The following PEX7 variants were observed in gnomAD, a reference collection of about 807,000 sequenced individuals.
The protein encoded by PEX7 is PTS2 receptor.
PEX7 carries 34 observed loss-of-function variants against 47.5 expected under a neutral mutation model. That is an observed-to-expected ratio of 0.72 (90% CI 0.54 to 0.95). PEX7 has a LOEUF of 0.95. Among genes scored for constraint, PEX7 ranks in the 40% least tolerant of loss-of-function variants. The probability of loss-of-function intolerance (pLI) is 0.00; values close to 1 mark genes in which losing one functional copy is unlikely to be tolerated. For synonymous variants in PEX7, 141 were observed against 148.8 expected (o/e 0.95, Z 0.38); for missense variants, 394 against 400.3 (o/e 0.98, Z 0.13).
At position 136,845,461 on chromosome 6, in the gene PEX7, T is replaced by G. The variant is rs1174931754; in HGVS notation, c.340-154T>G. Among the ~76,000 whole-genome samples, 3 of 152,362 alleles carry G rather than the reference T, an allele frequency of 2.0e-5. No homozygotes were observed. The East Asian group carries it at 5.8e-4, about 29-fold the overall frequency. On this transcript the variant is annotated intron_variant, in intron 3 of 9. Transcript: ENST00000318471. ...AGGAATGGACAAGATCAACTTTTCA[T>G]TTCTCAGACACCTTGTTGAGATGGA...
chr6:136,884,124 A>G (rs933399171), intron 8 of PEX7, among the ~76,000 whole-genome samples: 2 of 152,168 alleles, frequency 1.3e-5, no homozygotes, highest in African/African-American at 4.8e-5. Flanking sequence ...ACTATATTAC[A>G]TGTATATATA....
intron 9 of PEX7, among the ~76,000 whole-genome samples, chr6:136,908,983 C>A (rs1775890597): frequency 6.6e-6 from 1 of 152,132 alleles, no homozygotes. Flanking sequence ...TATAATGGCC[C>A]CTTGCCTACT....
At chr6:136,897,030 ACT>A (rs1231845826) in intron 8 of PEX7, among the ~76,000 whole-genome samples, 1 of 152,084 alleles carries the variant, frequency 6.6e-6, no homozygotes, top group Non-Finnish European at 1.5e-5. Flanking sequence ...AAGTAAAATC[ACT>A]CTTCCCAAAT....
At chr6:136,909,162 A>T (rs1775893928) in intron 9 of PEX7, among the ~76,000 whole-genome samples, 1 of 152,244 alleles carries the variant, frequency 6.6e-6, no homozygotes, top group Admixed American at 6.5e-5. Flanking sequence ...GGAGGTTCTT[A>T]ATAAGTCTTT....
chr6:136,866,886 A>G (rs1312243842), intron 6 of PEX7, among the ~76,000 whole-genome samples, 153 bp downstream of exon 6: 1 of 152,206 alleles, frequency 6.6e-6, no homozygotes, highest in Non-Finnish European at 1.5e-5. Flanking sequence ...ATTGTGACTG[A>G]CCTGCATTAG....
chr6:136,862,292 G>A (rs1008294989), intron 5 of PEX7, among the ~76,000 whole-genome samples: 7 of 150,814 alleles, frequency 4.6e-5, no homozygotes, highest in South Asian at 4.2e-4. Flanking sequence ...TGGCCAGGCT[G>A]GTCTCAAACG....
In PEX7 at chr6:136,870,231, T is replaced by G. The variant is rs1775149185; in HGVS notation, c.747+228T>G. Among the ~76,000 whole-genome samples the G allele has an allele frequency of 2.0e-5, 3 of 152,170 alleles. No homozygotes were observed. In the South Asian group the frequency reaches 6.2e-4, roughly 31 times the overall value. The stretch of plus-strand genomic sequence containing the variant: ...TAGACATTCAATACTTAAGGTTAAA[T>G]AAAAATCTTTTTCTCATTCTTTCAC... On this transcript the variant is annotated intron_variant, in intron 7 of 9. Coordinates refer to ENST00000318471, the MANE Select transcript of PEX7 (RefSeq NM_000288.4).
chr6:136,875,404 T>G (rs765269370), intron 8 of PEX7, among the ~76,000 whole-genome samples: 19 of 152,178 alleles, frequency 1.2e-4, no homozygotes, highest in Non-Finnish European at 2.5e-4. Flanking sequence ...TGCCTTTTCT[T>G]CCAAGAGGTG....
intron 3 of PEX7, chr6:136,830,094 AGCATGGTT>A: frequency 1.4e-6 from 1 of 702,752 alleles, no homozygotes; most frequent in East Asian, 2.7e-5. Context: ...AAAGACGTAT[AGCATGGTT>A]TTAGTCAATC....
rs1376209504 is a variant in PEX7 at position 136,888,972 on chromosome 6, C to T, written c.804-9170C>T. ...TACTATTTAGCACATTTGGGACCATCGCGTTTGTTAACTAAAGTGACAGAT... is the reference window on the plus strand; with the variant it reads ...TACTATTTAGCACATTTGGGACCATTGCGTTTGTTAACTAAAGTGACAGAT... On this transcript the variant is annotated intron_variant, in intron 8 of 9. Coordinates refer to ENST00000318471, the MANE Select transcript of PEX7 (RefSeq NM_000288.4). Among the ~76,000 whole-genome samples the T allele has an allele frequency of 3.3e-5, 5 of 152,082 alleles. No individual in the cohort carries two copies. The South Asian group carries it at 1.0e-3, about 31-fold the overall frequency.
At chr6:136,882,175 C>CTTTTTTTTTTTT (rs35653586) in intron 8 of PEX7, among the ~76,000 whole-genome samples, 19 of 104,308 alleles carry the variant, frequency 1.8e-4, no homozygotes, top group East Asian at 2.7e-4. Context: ...TCTTCTTCTT[C>CTTTTTTTTTTTT]TTTTTTTTTT....
intron 1 of PEX7, chr6:136,823,063 C>G: frequency 1.0e-6 from 1 of 985,432 alleles, no homozygotes. Flanking sequence ...CTTGAGACCG[C>G]GCTGCCTCCG....
At chr6:136,823,175 G>A (rs1774116673) in intron 1 of PEX7, 4 of 985,360 alleles carry the variant, frequency 4.1e-6, no homozygotes, top group African/African-American at 1.7e-5. Flanking sequence ...CGGGGAAGAC[G>A]GTCTGAGCCA....
chr6:136,887,150 T>C (rs1775479636), intron 8 of PEX7, among the ~76,000 whole-genome samples: 1 of 152,122 alleles, frequency 6.6e-6, no homozygotes, highest in Non-Finnish European at 1.5e-5. Flanking sequence ...CCTACACACA[T>C]TTGTTGAAAA....
intron 8 of PEX7, among the ~76,000 whole-genome samples, chr6:136,879,506 T>A (rs1775338029): frequency 6.6e-6 from 1 of 152,204 alleles, no homozygotes; most frequent in Non-Finnish European, 1.5e-5. Flanking sequence ...AACTCTCTTT[T>A]ACTTGTAAGT....
intron 8 of PEX7, among the ~76,000 whole-genome samples, chr6:136,882,467 C>T (rs921117748): frequency 2.6e-5 from 4 of 151,996 alleles, no homozygotes; most frequent in East Asian, 1.9e-4. Context: ...CGTGAGCCCC[C>T]GCACCTGGCC....
Position 136,866,659 on chromosome 6 carries a change from G to T in PEX7, c.559G>T (p.Ala187Ser), listed in dbSNP as rs1341857457. The T allele has an allele frequency of 2.5e-6, 4 of 1,613,916 alleles. No homozygotes were observed. The highest frequency in any genetic ancestry group is 3.4e-6 in the Non-Finnish European group (4 of 1,179,962). The change falls in exon 6 of 10, where the codon GCA (alanine) becomes TCA (serine). Residue 187 changes from alanine (A) to serine (S), a missense_variant. By Grantham distance (99) the Ala-to-Ser change is moderately conservative. Coordinates refer to ENST00000318471, the MANE Select transcript of PEX7 (RefSeq NM_000288.4). ...GACTCTGAGAATATGGGATGTGAAG[G>T]CAGCAGGAGTAAGAATCGTGATTCC... ...DQTLRIWDVK[A>S]AGVRIVIPAH...
chr6:136,875,494 G>T (rs1775254957), intron 8 of PEX7, among the ~76,000 whole-genome samples: 1 of 152,122 alleles, frequency 6.6e-6, no homozygotes, highest in South Asian at 2.1e-4. Flanking sequence ...TACTTTTATT[G>T]CATTAAAATC....
intron 8 of PEX7, among the ~76,000 whole-genome samples, chr6:136,873,361 T>TA (rs1031360947): frequency 5.9e-5 from 9 of 152,290 alleles, no homozygotes; most frequent in Middle Eastern, 3.4e-3. Context: ...AGCTTTGTGT[T>TA]ACTAGAGAAT....
Sources: gnomAD v4.1 joint callset for allele counts (sites outside exome capture counted in the v4.1 genomes callset) on GRCh38, gnomAD v4.1.1 for gene constraint, MANE v1.5 for transcripts, NCBI Gene and HGNC (gene_info 2026-07-23, HGNC 2026-07-21) for gene names.